NDUFS5: variants seen among roughly 807,000 people sequenced by gnomAD.
NDUFS5 encodes NADH dehydrogenase [ubiquinone] iron-sulfur protein 5.
NDUFS5 carries 7 observed loss-of-function variants against 10.5 expected under a neutral mutation model. The ratio of observed to expected loss-of-function variants is 0.66; its 90% CI spans 0.38 to 1.25. The LOEUF is 1.25. Among genes scored for constraint, NDUFS5 ranks in the 50% most tolerant of loss-of-function variants. NDUFS5 has a pLI of 0.02. For synonymous variants in NDUFS5, 38 were observed against 44.0 expected (o/e 0.86, Z 0.54); for missense variants, 148 against 140.7 (o/e 1.05, Z -0.26).
At chr1:39,027,605 A>C (rs1272902241) in intron 1 of NDUFS5, among the ~76,000 whole-genome samples, 1 of 18,116 alleles carries the variant, frequency 5.5e-5, no homozygotes, top group Non-Finnish European at 4.6e-4. Flanking sequence ...TTGAGACAGG[A>C]TCTCGCTTTG....
intron 1 of NDUFS5, among the ~76,000 whole-genome samples, chr1:39,027,581 G>GTTTTTTT (rs760373747): frequency 9.9e-5 from 9 of 91,160 alleles, no homozygotes; most frequent in South Asian, 9.5e-4. Flanking sequence ...TTTCGCTCTG[G>GTTTTTTT]TTTTTTTTTT....
intron 2 of NDUFS5, among the ~76,000 whole-genome samples, chr1:39,029,988 G>A (rs149552750): frequency 0.053 from 8,110 of 152,054 alleles, 640 homozygotes; most frequent in African/African-American, 0.18. Context: ...CTGCTCGGGA[G>A]GCTGAGGCAG....
chr1:39,029,446 TC>T (rs543312583), intron 2 of NDUFS5, among the ~76,000 whole-genome samples: 179 of 152,328 alleles, frequency 1.2e-3, no homozygotes, highest in African/African-American at 4.1e-3. Context: ...GGTCCATTGT[TC>T]CTCAGCATTC....
chr1:39,028,135 T>A (rs545565493), intron 1 of NDUFS5, among the ~76,000 whole-genome samples: 11 of 140,100 alleles, frequency 7.9e-5, no homozygotes, highest in South Asian at 7.3e-4. Flanking sequence ...GTGGCTGATT[T>A]AAAAAAAAAA....
chr1:39,026,722 G>C (rs1474661016), intron 1 of NDUFS5, among the ~76,000 whole-genome samples: 3 of 152,202 alleles, frequency 2.0e-5, no homozygotes, highest in African/African-American at 7.2e-5. Context: ...GGCCTCCTGA[G>C]CTCATTTCAT....
intron 2 of NDUFS5, among the ~76,000 whole-genome samples, chr1:39,029,242 C>G (rs925430738): frequency 6.6e-6 from 1 of 152,148 alleles, no homozygotes; most frequent in Admixed American, 6.6e-5. Flanking sequence ...ATCCGCCCCC[C>G]TCAGCCTCCC....
rs1206619264 is a variant in NDUFS5, at chr1:39,034,588, T to G, written c.*92T>G. On this transcript the variant is annotated 3_prime_UTR_variant, in exon 3 of 3. Transcript: ENST00000372969. The stretch of plus-strand genomic sequence containing the variant: ...TACGACAAACCTCCTTGTCAAAGTG[T>G]GTAAAAATAAAGGATTGCTCCATCC... 2.0e-6 allele frequency: 2 copies of G among 1,021,238 alleles called. No individual in the cohort carries two copies. The highest frequency in any genetic ancestry group is 3.0e-6 in the Non-Finnish European group (2 of 658,640). 63.3% of individuals were successfully genotyped at this position (1,021,238 alleles called of 1,614,324 possible). A position where few individuals can be genotyped will look rare whatever the true frequency, so the allele number is the denominator to read the frequency against.
chr1:39,031,991 TA>T (rs1206054279), intron 2 of NDUFS5, among the ~76,000 whole-genome samples: 1 of 152,040 alleles, frequency 6.6e-6, no homozygotes, highest in Non-Finnish European at 1.5e-5. Context: ...ACCCCCTCTC[TA>T]CTAAAAATAC....
At position 39,032,863 on chromosome 1, in the gene NDUFS5, GCAAAGGTCC is replaced by G. The variant is rs142098585; in HGVS notation, c.217-1527_217-1519del. 9.7e-3 allele frequency among the ~76,000 whole-genome samples: 1,480 copies of G among 152,278 alleles called. 27 individuals are homozygous for G. Among genetic ancestry groups the G allele is most frequent in the African/African-American group, 0.034 (1,402 of 41,564 alleles). ...GTTCCATGCAGAGGAAACAGCAAGTGCAAAGGTCCCTGAGCTGACTGGAGGGAGCTAGGG... is the reference window on the plus strand; with the variant it reads ...GTTCCATGCAGAGGAAACAGCAAGTGCTGAGCTGACTGGAGGGAGCTAGGG... On this transcript the variant is annotated intron_variant, in intron 2 of 2. Transcript: ENST00000372969.
chr1:39,028,696 C>G (rs766416418), intron 1 of NDUFS5, 27 bp from the exon 2 acceptor site: 2 of 1,602,916 alleles, frequency 1.2e-6, no homozygotes, highest in Non-Finnish European at 1.7e-6. Flanking sequence ...ATTTTATTTA[C>G]TTATTTTTTT....
chr1:39,030,668 C>T (rs1047196664), intron 2 of NDUFS5, among the ~76,000 whole-genome samples: 1 of 136,746 alleles, frequency 7.3e-6, no homozygotes, highest in African/African-American at 2.7e-5. Context: ...TGCAGTGAGT[C>T]GAGATTGTGC....
intron 1 of NDUFS5, among the ~76,000 whole-genome samples, chr1:39,028,450 G>T (rs1042452622): frequency 6.6e-6 from 1 of 152,010 alleles, no homozygotes; most frequent in African/African-American, 2.4e-5. Flanking sequence ...GTGAGCCACC[G>T]CTCCTGACCG....
intron 1 of NDUFS5, among the ~76,000 whole-genome samples, chr1:39,028,118 C>G (rs1644164950): frequency 6.9e-6 from 1 of 143,922 alleles, no homozygotes; most frequent in African/African-American, 2.5e-5. Context: ...CCGCGCCTGG[C>G]CCACAAGTGG....
chr1:39,033,564 C>T (rs1242483418), intron 2 of NDUFS5, among the ~76,000 whole-genome samples: 8 of 146,992 alleles, frequency 5.4e-5, no homozygotes. Flanking sequence ...TACAGTAGCG[C>T]GATCTCAACT....
chr1:39,027,143 T>C (rs1236347812), intron 1 of NDUFS5, among the ~76,000 whole-genome samples: 1 of 152,092 alleles, frequency 6.6e-6, no homozygotes, highest in African/African-American at 2.4e-5. Context: ...CGATCTCGGC[T>C]CACTGCAGCC....
chr1:39,033,315 T>C (rs1417371136), intron 2 of NDUFS5, among the ~76,000 whole-genome samples: 3 of 152,056 alleles, frequency 2.0e-5, no homozygotes, highest in African/African-American at 7.2e-5. Flanking sequence ...GGCTCACGCC[T>C]GTAATCCCAG....
intron 2 of NDUFS5, among the ~76,000 whole-genome samples, chr1:39,029,898 C>T (rs1200281086): frequency 6.6e-6 from 1 of 152,050 alleles, no homozygotes; most frequent in Non-Finnish European, 1.5e-5. Context: ...TGAGACCAGC[C>T]TGGCCAAGAT....
At chr1:39,027,580 G>GTTTTTTTTTTTTTTTTTTTTT (rs1557650948) in intron 1 of NDUFS5, among the ~76,000 whole-genome samples, 1 of 44,042 alleles carries the variant, frequency 2.3e-5, no homozygotes, top group African/African-American at 5.2e-5. Context: ...CTTTCGCTCT[G>GTTTTTTTTTTTTTTTTTTTTT]GTTTTTTTTT....
At chr1:39,026,509 C>G (rs1369799954) in intron 1 of NDUFS5, 107 bp downstream of exon 1, 1 of 152,502 alleles carries the variant, frequency 6.6e-6, no homozygotes, top group Admixed American at 6.6e-5. Flanking sequence ...TCTCCCAGAC[C>G]TGAACTCAGG....
Sources: gnomAD v4.1 joint callset for allele counts (sites outside exome capture counted in the v4.1 genomes callset) on GRCh38, gnomAD v4.1.1 for gene constraint, MANE v1.5 for transcripts, NCBI Gene and HGNC (gene_info 2026-07-23, HGNC 2026-07-21) for gene names.